The following UBR3 variants were observed in gnomAD, a reference collection of about 807,000 sequenced individuals.
The protein encoded by UBR3 is E3 ubiquitin-protein ligase UBR3.
A neutral mutation model predicts 243.2 loss-of-function variants in UBR3; 85 were observed. The ratio of observed to expected loss-of-function variants is 0.35; its 90% CI spans 0.29 to 0.42. UBR3 has a LOEUF of 0.42. UBR3 is among the 10% of genes least tolerant of loss of function. The probability of loss-of-function intolerance (pLI) is 1.00; values close to 1 mark genes in which losing one functional copy is unlikely to be tolerated. For missense variants in UBR3, 1,686 were observed against 2,300.8 expected, an observed-to-expected ratio of 0.73 and a Z score of 5.47; for synonymous variants, 748 against 799.8, an observed-to-expected ratio of 0.94 and a Z score of 1.09.
rs35877456 is a variant in UBR3, at chr2:170,011,626, CTT to C, written c.4367+2702_4367+2703del. Among the ~76,000 whole-genome samples the C allele has an allele frequency of 9.6e-3, 1,180 of 123,278 alleles. 13 individuals are homozygous for C. Among genetic ancestry groups the C allele is most frequent in the African/African-American group, 0.031 (1,029 of 33,190 alleles). 80.9% of individuals were successfully genotyped at this position (123,278 alleles called of 152,430 possible). On this transcript the variant is annotated intron_variant, in intron 29 of 38. Coordinates refer to ENST00000272793, the MANE Select transcript of UBR3 (RefSeq NM_172070.4). ...ATTTCTGGTGAGTTTTACAGCTTTT[CTT>C]TTTTTTTTTTTTTTTGTAAGACAGT... is the stretch of plus-strand genomic sequence containing the variant.
At chr2:169,948,017 G>A (rs1244601329) in intron 22 of UBR3, 1 of 745,056 alleles carries the variant, frequency 1.3e-6, no homozygotes. Context: ...AAGTATTTGT[G>A]TGTGTATGGG....
intron 1 of UBR3, among the ~76,000 whole-genome samples, chr2:169,843,314 T>A (rs62173087): frequency 0.057 from 8,625 of 152,308 alleles, 294 homozygotes; most frequent in Non-Finnish European, 0.084. Flanking sequence ...GAGGGCCTTC[T>A]GCTGCATCTT....
intron 5 of UBR3, among the ~76,000 whole-genome samples, chr2:169,885,308 G>T (rs1218904121): frequency 6.6e-6 from 1 of 152,248 alleles, no homozygotes; most frequent in Admixed American, 6.5e-5. Flanking sequence ...TTGGCTGGGC[G>T]CAGTAGCTCA....
At chr2:169,928,703 T>C in intron 17 of UBR3, 24 bp from the exon 18 acceptor site, 1 of 1,438,594 alleles carries the variant, frequency 7.0e-7, no homozygotes, top group South Asian at 1.5e-5. Flanking sequence ...GTTACTAATA[T>C]TTTTTTCTTG....
chr2:169,939,072 A>T (rs1280077852), intron 19 of UBR3, among the ~76,000 whole-genome samples: 1 of 151,980 alleles, frequency 6.6e-6, no homozygotes, highest in Non-Finnish European at 1.5e-5. Context: ...TTTAATGATT[A>T]AAAAAATCTT....
In UBR3 at chr2:170,030,383, T is replaced by G. The variant is rs12477437; in HGVS notation, c.4556+935T>G. On this transcript the variant is annotated intron_variant, in intron 31 of 38. Coordinates refer to ENST00000272793, the MANE Select transcript of UBR3 (RefSeq NM_172070.4). The stretch of plus-strand genomic sequence containing the variant: ...GGCATACATAGCTAATAGGTTATCA[T>G]TGTTTATAGGCCATTTCAGTGGACA... 3.6e-3 allele frequency among the ~76,000 whole-genome samples: 551 copies of G among 152,278 alleles called. 13 individuals carry two copies. Among genetic ancestry groups the G allele is most frequent in the Admixed American group, 0.033 (505 of 15,270 alleles).
chr2:170,067,053 G>A (rs1253190219), intron 35 of UBR3, among the ~76,000 whole-genome samples: 8 of 151,534 alleles, frequency 5.3e-5, no homozygotes, highest in South Asian at 2.1e-4. Context: ...GGAAGCAGGC[G>A]CACAGAGATG....
chr2:169,831,786 ACAGAAT>A (rs1206961642), intron 1 of UBR3, among the ~76,000 whole-genome samples: 2 of 152,224 alleles, frequency 1.3e-5, no homozygotes, highest in African/African-American at 4.8e-5. Flanking sequence ...ACTGGCATGA[ACAGAAT>A]GTTTGAACTT....
At chr2:169,890,622 G>A (rs987509240) in intron 5 of UBR3, among the ~76,000 whole-genome samples, 2 of 109,456 alleles carry the variant, frequency 1.8e-5, no homozygotes, top group Non-Finnish European at 1.9e-5. Context: ...TCATTGAGCA[G>A]AATGTATTTC....
At chr2:169,967,940 G>A (rs112745610) in intron 24 of UBR3, among the ~76,000 whole-genome samples, 1 of 151,548 alleles carries the variant, frequency 6.6e-6, no homozygotes, top group African/African-American at 2.4e-5. Flanking sequence ...CCTTTCTTAG[G>A]TAAGTGTATA....
intron 1 of UBR3, among the ~76,000 whole-genome samples, chr2:169,854,635 G>A (rs1015844321): frequency 2.0e-5 from 3 of 152,044 alleles, no homozygotes; most frequent in African/African-American, 7.2e-5. Flanking sequence ...TATATGTACA[G>A]TTTAAAGAAT....
chr2:170,024,422 T>G (rs1374850944), intron 30 of UBR3, among the ~76,000 whole-genome samples: 2 of 151,348 alleles, frequency 1.3e-5, no homozygotes, highest in African/African-American at 4.9e-5. Context: ...GGGATGGTAC[T>G]GGAACATCTG....
intron 24 of UBR3, among the ~76,000 whole-genome samples, chr2:169,977,887 G>A (rs917215340): frequency 6.6e-6 from 1 of 152,080 alleles, no homozygotes; most frequent in African/African-American, 2.4e-5. Context: ...TGTTTCTTAT[G>A]TCACTGCATT....
chr2:169,963,069 C>G (rs1314971051), intron 24 of UBR3, among the ~76,000 whole-genome samples: 1 of 152,142 alleles, frequency 6.6e-6, no homozygotes, highest in Non-Finnish European at 1.5e-5. Context: ...CTCTAAGCTG[C>G]TTGTTCAGTT....
intron 24 of UBR3, among the ~76,000 whole-genome samples, chr2:169,967,655 G>C: frequency 6.6e-6 from 1 of 152,110 alleles, no homozygotes. Flanking sequence ...GATTTCCTTT[G>C]GAAAGTAGGA....
chr2:169,853,983 G>A (rs1559022519), intron 1 of UBR3, among the ~76,000 whole-genome samples: 1 of 151,576 alleles, frequency 6.6e-6, no homozygotes, highest in African/African-American at 2.4e-5. Context: ...AGAACACATG[G>A]ACACAGGGAG....
intron 10 of UBR3, among the ~76,000 whole-genome samples, chr2:169,910,921 G>C (rs1418657879): frequency 2.0e-5 from 3 of 151,904 alleles, no homozygotes; most frequent in Non-Finnish European, 4.4e-5. Context: ...GTGCTGTCAG[G>C]GTTTAGAAGT....
chr2:169,854,026 G>C (rs868040598), intron 1 of UBR3, among the ~76,000 whole-genome samples: 4 of 151,982 alleles, frequency 2.6e-5, no homozygotes, highest in African/African-American at 9.7e-5. Context: ...TGTTGGGGTT[G>C]GGGGCAAGGG....
At chr2:169,861,663 G>A (rs1468088904) in intron 1 of UBR3, among the ~76,000 whole-genome samples, 6 of 151,094 alleles carry the variant, frequency 4.0e-5, no homozygotes, top group Admixed American at 1.3e-4. Context: ...TTTTTGTACA[G>A]AAATGTTTTC....
Sources: allele counts gnomAD v4.1 joint callset (sites outside exome capture counted in the v4.1 genomes callset), GRCh38; gene constraint gnomAD v4.1.1; transcripts MANE v1.5; gene names NCBI Gene and HGNC (gene_info 2026-07-23, HGNC 2026-07-21).